MAP3K5: variants seen among roughly 807,000 people sequenced by gnomAD.
MAP3K5 encodes the protein ASK-1.
A neutral mutation model predicts 158.7 loss-of-function variants in MAP3K5; 56 were observed. That is an observed-to-expected ratio of 0.35 (90% CI 0.28 to 0.44). The LOEUF (loss-of-function observed/expected upper bound fraction) is 0.44, where lower values mean the gene tolerates loss of function less well. MAP3K5 is among the 20% of genes least tolerant of loss of function. MAP3K5 has a pLI of 1.00. For missense variants in MAP3K5, 1,294 were observed against 1,674.8 expected (o/e 0.77, Z 3.97); for synonymous variants, 579 against 601.7 (o/e 0.96, Z 0.55).
At chr6:136,766,132 T>C (rs1783958167) in intron 1 of MAP3K5, among the ~76,000 whole-genome samples, 8 of 152,174 alleles carry the variant, frequency 5.3e-5, no homozygotes, top group Admixed American at 4.6e-4. Flanking sequence ...AAGCTGCAGG[T>C]AAAGCCAGAA....
intron 1 of MAP3K5, among the ~76,000 whole-genome samples, chr6:136,750,371 C>G (rs1156831309): frequency 6.6e-6 from 1 of 152,202 alleles, no homozygotes; most frequent in Non-Finnish European, 1.5e-5. Context: ...AGCCACCGCA[C>G]CCAGCCTTGT....
chr6:136,560,766 A>G (rs1830472057), intron 28 of MAP3K5, among the ~76,000 whole-genome samples: 1 of 151,760 alleles, frequency 6.6e-6, no homozygotes, highest in Non-Finnish European at 1.5e-5. Context: ...TGGGCAACAT[A>G]GCGAGACCCT....
chr6:136,734,487 A>G (rs2114843966), intron 1 of MAP3K5, among the ~76,000 whole-genome samples: 1 of 150,166 alleles, frequency 6.7e-6, no homozygotes, highest in South Asian at 2.1e-4. Flanking sequence ...AAATTTCTGT[A>G]TCGCCACGGC....
At position 136,622,925 on chromosome 6, in the gene MAP3K5, A is replaced by C. The variant is rs3765258; in HGVS notation, c.2073T>G (p.Tyr691Ter). Residue 691 changes from tyrosine (Y) to a stop codon, truncating the protein, a stop_gained, in exon 15 of 30, where the codon TAT (tyrosine) becomes TAG (stop). Coordinates refer to ENST00000359015, the MANE Select transcript of MAP3K5 (RefSeq NM_005923.4). LOFTEE classifies it high-confidence loss of function. Reference protein sequence around the residue: ...GDRVVLGKGTYGIVYAGRDLS... With the variant: ...GDRVVLGKGT ...AGTCCCGACCTGCGTAGACTATCCC[A>C]TAAGTGCCTTTTCCTAAAACGACTC... 1 of 1,603,032 alleles carries C rather than the reference A, an allele frequency of 6.2e-7. No individual in the cohort carries two copies. The highest frequency in any genetic ancestry group is 8.5e-7 in the Non-Finnish European group (1 of 1,171,576).
At position 136,724,269 on chromosome 6, in the gene MAP3K5, G is replaced by C. The variant is rs1045765064; in HGVS notation, c.449-3680C>G. Among the ~76,000 whole-genome samples the C allele has an allele frequency of 2.1e-5, 3 of 139,754 alleles. No individual in the cohort carries two copies. In the Admixed American group the frequency reaches 2.2e-4, roughly 10 times the overall value. 91.7% of individuals were successfully genotyped at this position (139,754 alleles called of 152,430 possible). On this transcript the variant is annotated intron_variant, in intron 1 of 29. Transcript: ENST00000359015. The stretch of plus-strand genomic sequence containing the variant: ...CTGACTTTTTTTTTTTTTTTTTTGA[G>C]ATGGAGTCTTACTCTGTCTCCCAGG...
At chr6:136,669,791 T>G (rs1223558679) in intron 7 of MAP3K5, among the ~76,000 whole-genome samples, 1 of 152,164 alleles carries the variant, frequency 6.6e-6, no homozygotes, top group Non-Finnish European at 1.5e-5. Flanking sequence ...GAAAGCTATG[T>G]AGTCATTTAT....
chr6:136,582,326 C>G (rs535043808), intron 24 of MAP3K5, among the ~76,000 whole-genome samples: 65 of 151,040 alleles, frequency 4.3e-4, no homozygotes, highest in African/African-American at 1.6e-3. Context: ...TGGCCCAAGG[C>G]CCAGGAGTAC....
chr6:136,642,432 T>C, intron 12 of MAP3K5, 88 bp downstream of exon 12: 1 of 942,026 alleles, frequency 1.1e-6, no homozygotes, highest in South Asian at 1.4e-5. Context: ...TCCTTGTATT[T>C]TAAAATCATG....
At chr6:136,728,522 C>T (rs920259636) in intron 1 of MAP3K5, among the ~76,000 whole-genome samples, 2 of 152,132 alleles carry the variant, frequency 1.3e-5, no homozygotes, top group African/African-American at 4.8e-5. Flanking sequence ...GTTGGGCAAT[C>T]CCTACTATAA....
intron 28 of MAP3K5, among the ~76,000 whole-genome samples, chr6:136,561,257 T>C (rs1830497906): frequency 6.6e-6 from 1 of 152,200 alleles, no homozygotes; most frequent in Non-Finnish European, 1.5e-5. Context: ...CCTTCAGCTC[T>C]TTCATTCCCT....
At chr6:136,618,195 T>C (rs1290170957) in intron 15 of MAP3K5, among the ~76,000 whole-genome samples, 2 of 152,252 alleles carry the variant, frequency 1.3e-5, no homozygotes, top group African/African-American at 4.8e-5. Flanking sequence ...ATTATTCACA[T>C]CACACTACTT....
rs1339294861 is a variant in MAP3K5 at position 136,562,489 on chromosome 6, T to C, written c.3874+14A>G. On this transcript the variant is annotated intron_variant, in intron 27 of 29. Coordinates refer to ENST00000359015, the MANE Select transcript of MAP3K5 (RefSeq NM_005923.4). Reference sequence around the variant, plus strand: ...TGGCTGAACAGTATTACTATAAAACTTTCTGCTATTCACCTATGGGTTGGG... The same window carrying C: ...TGGCTGAACAGTATTACTATAAAACCTTCTGCTATTCACCTATGGGTTGGG... 2 of 1,416,132 alleles carry C rather than the reference T, an allele frequency of 1.4e-6. No homozygotes were observed. The highest frequency in any genetic ancestry group is 3.0e-5 in the African/African-American group (2 of 67,468). 87.7% of individuals were successfully genotyped at this position (1,416,132 alleles called of 1,614,324 possible).
At chr6:136,654,788 G>A (rs1778672527) in intron 10 of MAP3K5, among the ~76,000 whole-genome samples, 1 of 149,958 alleles carries the variant, frequency 6.7e-6, no homozygotes, top group Non-Finnish European at 1.5e-5. Flanking sequence ...GGATTTTTTT[G>A]CATATTTGGC....
intron 2 of MAP3K5, among the ~76,000 whole-genome samples, chr6:136,719,929 A>G (rs759291131): frequency 6.6e-6 from 1 of 152,226 alleles, no homozygotes. Context: ...ATTACTGGAG[A>G]GAATGACATC....
In MAP3K5 at chr6:136,694,808, T is replaced by C. The variant is rs567238031; in HGVS notation, c.1083-498A>G. ...ATTTCTACGTGTGACTAACTGATTA[T>C]CTAAGGAAGTTGCTTTATGTAGCAT... On this transcript the variant is annotated intron_variant, in intron 6 of 29. Transcript: ENST00000359015. Among the ~76,000 whole-genome samples the C allele has an allele frequency of 3.3e-5, 5 of 152,350 alleles. No individual in the cohort carries two copies. The East Asian group carries it at 9.6e-4, about 29-fold the overall frequency.
intron 23 of MAP3K5, 45 bp downstream of exon 23, chr6:136,592,128 A>C (rs752403195): frequency 2.0e-6 from 3 of 1,507,320 alleles, no homozygotes; most frequent in Non-Finnish European, 2.7e-6. Context: ...GACACAGATA[A>C]AATATGTAAC....
chr6:136,732,574 C>T (rs1782275296), intron 1 of MAP3K5, among the ~76,000 whole-genome samples: 1 of 152,196 alleles, frequency 6.6e-6, no homozygotes, highest in Admixed American at 6.5e-5. Context: ...TGGTAGCCAA[C>T]AGAAAGGAAA....
intron 8 of MAP3K5, among the ~76,000 whole-genome samples, chr6:136,666,039 G>A (rs964818504): frequency 6.6e-6 from 1 of 152,146 alleles, no homozygotes; most frequent in East Asian, 1.9e-4. Flanking sequence ...ACAGAAGATG[G>A]AAGCATCATC....
chr6:136,639,830 T>C (rs777021078), intron 12 of MAP3K5, among the ~76,000 whole-genome samples, 192 bp from the exon 13 acceptor site: 13 of 152,172 alleles, frequency 8.5e-5, no homozygotes, highest in Non-Finnish European at 1.8e-4. Flanking sequence ...TTCCGAGAGG[T>C]GTCCTCCTCC....
Sources: gnomAD v4.1 joint callset for allele counts (sites outside exome capture counted in the v4.1 genomes callset) on GRCh38, gnomAD v4.1.1 for gene constraint, MANE v1.5 for transcripts, NCBI Gene and HGNC (gene_info 2026-07-23, HGNC 2026-07-21) for gene names.